ODF2L: variants seen among roughly 807,000 people sequenced by gnomAD.
ODF2L encodes the protein protein BCAP.
A neutral mutation model predicts 86.3 loss-of-function variants in ODF2L; 76 were observed. The observed-to-expected ratio is 0.88, with a 90% CI of 0.73 to 1.07. The LOEUF (loss-of-function observed/expected upper bound fraction) is 1.07, where lower values mean the gene tolerates loss of function less well. Among genes scored for constraint, ODF2L ranks in the 50% least tolerant of loss-of-function variants. The pLI, the probability that ODF2L is intolerant of heterozygous loss-of-function variation, is 0.00. For synonymous variants in ODF2L, 241 were observed against 231.3 expected, an observed-to-expected ratio of 1.04 and a Z score of -0.38; for missense variants, 748 against 717.4, an observed-to-expected ratio of 1.04 and a Z score of -0.49.
chr1:86,389,484 T>C (rs1449221958), intron 1 of ODF2L, among the ~76,000 whole-genome samples: 1 of 133,630 alleles, frequency 7.5e-6, no homozygotes, highest in Non-Finnish European at 1.6e-5. Context: ...CTCAAGAAAC[T>C]AGAGAAACAA....
At chr1:86,360,569 T>C in intron 11 of ODF2L, 33 bp from the exon 11 acceptor site, 1 of 970,686 alleles carries the variant, frequency 1.0e-6, no homozygotes, top group Admixed American at 2.1e-5. Context: ...TATAAGTCAT[T>C]AGAATACATT....
At chr1:86,358,710 C>G (rs547388943) in intron 13 of ODF2L, 77 bp downstream of exon 12, 2 of 578,182 alleles carry the variant, frequency 3.5e-6, no homozygotes, top group East Asian at 7.1e-5. Context: ...AGAAAATGAC[C>G]AAAATGAATG....
chr1:86,362,454 A>G (rs1293742480), intron 11 of ODF2L, among the ~76,000 whole-genome samples: 1 of 150,968 alleles, frequency 6.6e-6, no homozygotes, highest in Non-Finnish European at 1.5e-5. Context: ...ACACCTGGCT[A>G]ATTTTCAAAA....
At chr1:86,373,751 T>C (rs553719524) in intron 8 of ODF2L, among the ~76,000 whole-genome samples, 1 of 152,234 alleles carries the variant, frequency 6.6e-6, no homozygotes, top group African/African-American at 2.4e-5. Context: ...TTACTTGTCT[T>C]TGCTATAATG....
intron 8 of ODF2L, among the ~76,000 whole-genome samples, chr1:86,373,687 T>C (rs1212202375): frequency 6.6e-6 from 1 of 152,012 alleles, no homozygotes. Context: ...GCCCCTGTGA[T>C]ATACACAGAA....
downstream of ODF2L, chr1:86,348,948 A>G (rs1657944881): frequency 7.0e-7 from 1 of 1,430,048 alleles, no homozygotes; most frequent in African/African-American, 1.5e-5. Context: ...GAGTCATAAT[A>G]TTAAAAACAT....
intron 11 of ODF2L, among the ~76,000 whole-genome samples, chr1:86,364,396 A>C (rs1157588246): frequency 6.6e-6 from 1 of 152,204 alleles, no homozygotes; most frequent in Non-Finnish European, 1.5e-5. Context: ...ATTTGAGCTA[A>C]AATTTAAAGG....
At chr1:86,392,080 T>G (rs193166840) in intron 1 of ODF2L, among the ~76,000 whole-genome samples, 17 of 151,972 alleles carry the variant, frequency 1.1e-4, no homozygotes, top group African/African-American at 4.1e-4. Flanking sequence ...CCAACAAACA[T>G]GAAAAAATGC....
At chr1:86,379,132 C>T (rs1332497673) in intron 7 of ODF2L, among the ~76,000 whole-genome samples, 1 of 152,074 alleles carries the variant, frequency 6.6e-6, no homozygotes, top group African/African-American at 2.4e-5. Context: ...TGTAAGTTTC[C>T]TGAGGCCTCC....
At position 86,371,010 on chromosome 1, in the gene ODF2L, C is replaced by G. The variant is rs1251565267; in HGVS notation, c.1056+8G>C. 6.4e-7 allele frequency: 1 copy of G among 1,553,642 alleles called. No homozygotes were observed. Among genetic ancestry groups the G allele is most frequent in the Admixed American group, 2.0e-5 (1 of 51,094 alleles). The stretch of plus-strand genomic sequence containing the variant: ...ATACATGCCTGCTCAAACACTCATA[C>G]ATAGTACCTTTAATTTTGTATTCTC... On this transcript the variant is annotated splice_region_variant and intron_variant, in intron 10 of 17. Transcript: ENST00000317336.
intron 1 of ODF2L, among the ~76,000 whole-genome samples, chr1:86,392,855 G>A (rs954754083): frequency 6.6e-6 from 1 of 152,100 alleles, no homozygotes; most frequent in African/African-American, 2.4e-5. Context: ...TTAAAGATGA[G>A]CAATTTTAAA....
exon 1 of ODF2L, chr1:86,396,151 T>G (rs1661729132): frequency 6.6e-6 from 1 of 152,444 alleles, no homozygotes; most frequent in Non-Finnish European, 1.5e-5. Flanking sequence ...CTTCTTGTGC[T>G]CTGAGTCGGC....
At chr1:86,381,595 T>C (rs897269620) in intron 7 of ODF2L, among the ~76,000 whole-genome samples, 1 of 152,026 alleles carries the variant, frequency 6.6e-6, no homozygotes, top group Non-Finnish European at 1.5e-5. Flanking sequence ...GGTGGGAATA[T>C]TGCTTCTTTG....
chr1:86,353,063 T>C (rs935443079), intron 16 of ODF2L, 79 bp from the exon 16 acceptor site: 43 of 915,460 alleles, frequency 4.7e-5, no homozygotes, highest in Admixed American at 2.6e-4. Flanking sequence ...ATATTGTACC[T>C]TTTTTCTAAA....
chr1:86,359,867 C>G (rs1384636395), intron 12 of ODF2L, among the ~76,000 whole-genome samples: 2 of 152,140 alleles, frequency 1.3e-5, no homozygotes, highest in African/African-American at 4.8e-5. Flanking sequence ...TGTTAACCAT[C>G]ATGCAAGGAC....
At chr1:86,388,505 G>A (rs1033433272) in intron 1 of ODF2L, among the ~76,000 whole-genome samples, 2 of 151,952 alleles carry the variant, frequency 1.3e-5, no homozygotes, top group African/African-American at 2.4e-5. Context: ...CCTTGTAAAA[G>A]CTAAGCAATA....
intron 13 of ODF2L, 199 bp downstream of exon 12, chr1:86,358,588 G>GA (rs1166837567): frequency 7.5e-6 from 2 of 266,458 alleles, no homozygotes; most frequent in Non-Finnish European, 1.4e-5. Context: ...ACAAAAAAGT[G>GA]AAAAAACATT....
chr1:86,385,729 T>C (rs1660909775), intron 2 of ODF2L, 139 bp from the exon 3 acceptor site: 1 of 546,982 alleles, frequency 1.8e-6, no homozygotes, highest in South Asian at 3.2e-5. Context: ...AACTTGGACT[T>C]TGAGTGTAAG....
intron 11 of ODF2L, among the ~76,000 whole-genome samples, chr1:86,361,530 C>CG (rs1659034535): frequency 6.6e-6 from 1 of 152,160 alleles, no homozygotes; most frequent in Non-Finnish European, 1.5e-5. Context: ...AGAGCACTCT[C>CG]AAGAGAAGCC....
Sources: gnomAD v4.1 joint callset for allele counts (sites outside exome capture counted in the v4.1 genomes callset) on GRCh38, gnomAD v4.1.1 for gene constraint, MANE v1.5 for transcripts, NCBI Gene and HGNC (gene_info 2026-07-23, HGNC 2026-07-21) for gene names.